NAALADL2: variants seen among roughly 807,000 people sequenced by gnomAD.
NAALADL2 encodes N-acetylated alpha-linked acidic dipeptidase like 2, also known as inactive N-acetylated-alpha-linked acidic dipeptidase-like protein 2.
NAALADL2 carries 76 observed loss-of-function variants against 87.2 expected under a neutral mutation model. That is an observed-to-expected ratio of 0.87 (90% CI 0.72 to 1.05). The LOEUF is 1.05. Among genes scored for constraint, NAALADL2 ranks in the 50% least tolerant of loss-of-function variants. The probability of loss-of-function intolerance (pLI) is 0.00; values close to 1 mark genes in which losing one functional copy is unlikely to be tolerated. For synonymous variants in NAALADL2, 354 were observed against 331.0 expected, an observed-to-expected ratio of 1.07 and a Z score of -0.75; for missense variants, 1,089 against 945.8, an observed-to-expected ratio of 1.15 and a Z score of -1.99.
rs1241981276 is a variant in NAALADL2 at position 174,513,192 on chromosome 3, T to C, written c.-183-37377T>C. On this transcript the variant is annotated intron_variant, in intron 1 of 3. Coordinates refer to the NAALADL2 transcript ENST00000434257. ...GGTCCGGCTGGTCTTGAACTCCTGA[T>C]CTCCTGATCTACCTGCCTTGGCCTC... Among the ~76,000 whole-genome samples the C allele has an allele frequency of 2.0e-5, 3 of 151,890 alleles. No homozygotes were observed. The South Asian group carries it at 6.2e-4, about 32-fold the overall frequency.
At chr3:174,568,331 T>G (rs1327346575) in intron 2 of NAALADL2, among the ~76,000 whole-genome samples, 1 of 151,854 alleles carries the variant, frequency 6.6e-6, no homozygotes. Flanking sequence ...AAAGTTTTGT[T>G]AGTGGAATAG....
intron 1 of NAALADL2, among the ~76,000 whole-genome samples, chr3:174,882,968 A>G (rs369569024): frequency 6.6e-6 from 1 of 151,822 alleles, no homozygotes; most frequent in Non-Finnish European, 1.5e-5. Flanking sequence ...TCACATGATC[A>G]CAAGGTTTCG....
At chr3:174,631,573 G>A (rs531577056) in intron 2 of NAALADL2, among the ~76,000 whole-genome samples, 20 of 152,254 alleles carry the variant, frequency 1.3e-4, no homozygotes, top group African/African-American at 4.8e-4. Context: ...TGGTGTAATG[G>A]AAAATGGAAT....
chr3:174,825,263 G>T (rs1721854151), intron 3 of NAALADL2, among the ~76,000 whole-genome samples: 1 of 152,172 alleles, frequency 6.6e-6, no homozygotes, highest in African/African-American at 2.4e-5. Context: ...AGGCCTGAGG[G>T]CCGGAGGAGA....
chr3:175,805,250 A>C lies in NAALADL2; in HGVS notation c.*2047A>C, dbSNP rs1754599544. The C allele has an allele frequency of 6.6e-6, 1 of 151,934 alleles. No homozygotes were observed. The highest frequency in any genetic ancestry group is 2.4e-5 in the African/African-American group (1 of 41,418). 9.4% of individuals were successfully genotyped at this position (151,934 alleles called of 1,614,324 possible). ...CAAATTTCTAAATTAATTTATTCCCATAACCTACAATAGCACTGAGAACAG... is the reference window on the plus strand; with the variant it reads ...CAAATTTCTAAATTAATTTATTCCCCTAACCTACAATAGCACTGAGAACAG... On this transcript the variant is annotated 3_prime_UTR_variant, in exon 14 of 14. Transcript: ENST00000454872.
At chr3:175,063,852 A>G (rs1442048960) in intron 1 of NAALADL2, among the ~76,000 whole-genome samples, 5 of 152,140 alleles carry the variant, frequency 3.3e-5, no homozygotes, top group African/African-American at 9.7e-5. Context: ...AAAATTATCT[A>G]TATTAGGCAA....
chr3:174,495,686 A>ATCTTTTAGAAAATCAAGAATTAGGGAT (rs150444822), intron 1 of NAALADL2, among the ~76,000 whole-genome samples: 1 of 151,168 alleles, frequency 6.6e-6, no homozygotes, highest in Non-Finnish European at 1.5e-5. Flanking sequence ...GGGATACTGA[A>ATCTTTTAGAAAATCAAGAATTAGGGAT]TCCAGCTGTA....
At chr3:175,091,074 T>A (rs568000017) in intron 1 of NAALADL2, among the ~76,000 whole-genome samples, 32 of 152,142 alleles carry the variant, frequency 2.1e-4, no homozygotes, top group Non-Finnish European at 4.1e-4. Flanking sequence ...TCAAAGGTGA[T>A]AACATTAAAG....
rs1344103830 is a variant in NAALADL2, at chr3:174,815,847, T to TAA, written c.-9+78101_-9+78102insAA. 9.6e-5 allele frequency among the ~76,000 whole-genome samples: 14 copies of TAA among 145,896 alleles called. No homozygotes were observed. In the East Asian group the frequency reaches 1.6e-3, roughly 17 times the overall value. On this transcript the variant is annotated intron_variant, in intron 3 of 3. Coordinates refer to the NAALADL2 transcript ENST00000434257. ...TGACTTTAGTTTTTTTTTTTTTTTT[T>TAA]TTTTTTTTTTAAGTTTCCTTTGGTA...
intron 1 of NAALADL2, among the ~76,000 whole-genome samples, chr3:174,507,454 G>C (rs116391047): frequency 1.3e-5 from 2 of 151,608 alleles, no homozygotes; most frequent in Non-Finnish European, 2.9e-5. Flanking sequence ...TCTTATTTTT[G>C]TAATCACCCT....
chr3:175,237,632 T>C (rs942835068), intron 3 of NAALADL2, among the ~76,000 whole-genome samples: 4 of 152,210 alleles, frequency 2.6e-5, no homozygotes, highest in African/African-American at 9.6e-5. Flanking sequence ...TGTGGTTCTT[T>C]CCTCTTCTTT....
At chr3:174,607,895 A>G (rs1304573667) in intron 2 of NAALADL2, among the ~76,000 whole-genome samples, 1 of 152,008 alleles carries the variant, frequency 6.6e-6, no homozygotes, top group South Asian at 2.1e-4. Context: ...ACCTATTCCA[A>G]AATTGACCAC....
At chr3:175,642,332 G>C (rs1318760312) in intron 11 of NAALADL2, among the ~76,000 whole-genome samples, 1 of 152,150 alleles carries the variant, frequency 6.6e-6, no homozygotes, top group Non-Finnish European at 1.5e-5. Context: ...ATTCAAGAAT[G>C]TAAAATAATG....
intron 1 of NAALADL2, among the ~76,000 whole-genome samples, chr3:175,017,006 G>A (rs1179855241): frequency 2.0e-5 from 3 of 150,834 alleles, no homozygotes; most frequent in South Asian, 2.1e-4. Context: ...CAAACACTAC[G>A]TCTCATTTCT....
At chr3:174,873,213 C>CTT (rs1728065061) in intron 1 of NAALADL2, among the ~76,000 whole-genome samples, 7 of 150,478 alleles carry the variant, frequency 4.7e-5, no homozygotes, top group Admixed American at 1.3e-4. Flanking sequence ...CTCTCTCTCT[C>CTT]TCTCTGTGTA....
chr3:175,432,878 A>G (rs982093728), intron 5 of NAALADL2, among the ~76,000 whole-genome samples: 3 of 152,074 alleles, frequency 2.0e-5, no homozygotes, highest in Non-Finnish European at 4.4e-5. Context: ...TTCATCAGCA[A>G]CTTACTTTTA....
In NAALADL2 at chr3:175,807,197, C is replaced by T. The variant is rs1405206310; in HGVS notation, c.*3994C>T. ...TATAATTTCACTAAAAAAAGAAAAGCAGGTGCTGTGATTTAGAACAACAGT... is the reference window on the plus strand; with the variant it reads ...TATAATTTCACTAAAAAAAGAAAAGTAGGTGCTGTGATTTAGAACAACAGT... On this transcript the variant is annotated 3_prime_UTR_variant, in exon 14 of 14. Coordinates refer to ENST00000454872, the MANE Select transcript of NAALADL2 (RefSeq NM_207015.3). 6.6e-6 allele frequency: 1 copy of T among 151,806 alleles called. No individual in the cohort carries two copies. Among genetic ancestry groups the T allele is most frequent in the Non-Finnish European group, 1.5e-5 (1 of 67,850 alleles). The allele number at this position is 151,806 out of a possible 1,614,324, so 9.4% of individuals were successfully genotyped here.
chr3:174,559,980 T>C (rs1309010282), intron 2 of NAALADL2, among the ~76,000 whole-genome samples: 2 of 152,226 alleles, frequency 1.3e-5, no homozygotes, highest in Admixed American at 6.5e-5. Flanking sequence ...CTTTCCAAAA[T>C]TGAGTTTTCT....
chr3:175,793,676 CAT>C (rs1753105951), intron 13 of NAALADL2, among the ~76,000 whole-genome samples: 1 of 152,032 alleles, frequency 6.6e-6, no homozygotes, highest in Admixed American at 6.6e-5. Flanking sequence ...TTTTATAAAA[CAT>C]AAAATTAAAT....
Sources: gnomAD v4.1 joint callset for allele counts (sites outside exome capture counted in the v4.1 genomes callset) on GRCh38, gnomAD v4.1.1 for gene constraint, MANE v1.5 for transcripts, NCBI Gene and HGNC (gene_info 2026-07-23, HGNC 2026-07-21) for gene names.